Variants in OPN3 observed in about 807,000 individuals in gnomAD.
OPN3 encodes opsin-3.
OPN3 carries 29 observed loss-of-function variants against 33.8 expected under a neutral mutation model. That is an observed-to-expected ratio of 0.86 (90% confidence interval 0.64 to 1.17). OPN3 has a LOEUF of 1.17. OPN3 is among the 50% of genes most tolerant of loss of function. The pLI is 0.00. For synonymous variants in OPN3, 216 were observed against 216.1 expected (o/e 1.00, Z 0.00); for missense variants, 437 against 514.1 (o/e 0.85, Z 1.45).
chr1:241,628,004 GAA>G (rs908747755), intron 1 of OPN3, among the ~76,000 whole-genome samples: 1 of 152,092 alleles, frequency 6.6e-6, no homozygotes, highest in Non-Finnish European at 1.5e-5. Context: ...CCAGGCAAAA[GAA>G]AAAGTTTCTG....
rs1201391139 is a variant in OPN3 at position 241,640,367 on chromosome 1, A to C, written c.-113T>G. The C allele has an allele frequency of 1.2e-5, 12 of 1,015,908 alleles. No homozygotes were observed. Among genetic ancestry groups the C allele is most frequent in the Non-Finnish European group, 1.4e-5 (12 of 843,716 alleles). 62.9% of individuals were successfully genotyped at this position (1,015,908 alleles called of 1,614,324 possible). ...CCGCCGCCTGCTCTAGCCATTGTGCACTGAGGGGCCCGCGCTACCGCGCGC... is the reference window on the plus strand; with the variant it reads ...CCGCCGCCTGCTCTAGCCATTGTGCCCTGAGGGGCCCGCGCTACCGCGCGC... On this transcript the variant is annotated 5_prime_UTR_variant, in exon 1 of 4. Coordinates refer to ENST00000366554, the MANE Select transcript of OPN3 (RefSeq NM_014322.3).
chr1:241,633,926 T>C lies in OPN3; in HGVS notation c.373+5956A>G, dbSNP rs1664754503. The stretch of plus-strand genomic sequence containing the variant: ...ATCATCACCATCAAAGATAATGTCT[T>C]CTGGATTTGGAGGTGGAGGGCAGAA... On this transcript the variant is annotated intron_variant, in intron 1 of 3. Coordinates refer to ENST00000366554, the MANE Select transcript of OPN3 (RefSeq NM_014322.3). The C allele has an allele frequency of 6.2e-7, 1 of 1,613,804 alleles. No individual in the cohort carries two copies.
chr1:241,602,657 TAG>T (rs958974438), intron 2 of OPN3, among the ~76,000 whole-genome samples: 3 of 149,646 alleles, frequency 2.0e-5, no homozygotes, highest in Admixed American at 6.7e-5. Context: ...GAGATAGAGA[TAG>T]AGAGAGAGAG....
At chr1:241,633,817 T>C in intron 1 of OPN3, 1 of 1,613,796 alleles carries the variant, frequency 6.2e-7, no homozygotes, top group Non-Finnish European at 8.5e-7. Context: ...GGTGCTTCTC[T>C]GGGCTTTCTA....
intron 1 of OPN3, among the ~76,000 whole-genome samples, chr1:241,625,584 T>C (rs1295567282): frequency 4.6e-5 from 7 of 152,198 alleles, no homozygotes; most frequent in African/African-American, 1.4e-4. Context: ...TCTCTCATAT[T>C]CAAAACTTTT....
chr1:241,623,130 G>A (rs12084784), intron 1 of OPN3, among the ~76,000 whole-genome samples: 1,613 of 152,042 alleles, frequency 0.011, 32 homozygotes, highest in African/African-American at 0.037. Flanking sequence ...ACTCTTTCTG[G>A]CTCAGGACTA....
intron 3 of OPN3, among the ~76,000 whole-genome samples, chr1:241,596,733 C>T (rs1363813565): frequency 6.6e-6 from 1 of 152,162 alleles, no homozygotes. Flanking sequence ...AACGTAGAGG[C>T]TCAGCTTTAT....
chr1:241,609,337 A>T (rs1024382648), intron 1 of OPN3, among the ~76,000 whole-genome samples: 1 of 152,168 alleles, frequency 6.6e-6, no homozygotes, highest in African/African-American at 2.4e-5. Context: ...CTCCACCAAC[A>T]GGTGGTGGAG....
intron 1 of OPN3, among the ~76,000 whole-genome samples, chr1:241,615,187 C>T (rs559150371): frequency 7.3e-6 from 1 of 137,628 alleles, no homozygotes; most frequent in South Asian, 2.4e-4. Context: ...CAAACATAAG[C>T]ACAGTGGGGC....
chr1:241,635,907 CT>C, intron 1 of OPN3: 1 of 759,596 alleles, frequency 1.3e-6, no homozygotes, highest in Non-Finnish European at 2.1e-6. Context: ...AACGGTTACC[CT>C]TTTAAAATAT....
At chr1:241,637,072 T>C (rs894574862) in intron 1 of OPN3, among the ~76,000 whole-genome samples, 19 of 152,320 alleles carry the variant, frequency 1.2e-4, no homozygotes, top group Middle Eastern at 3.4e-3. Context: ...AAGGCCAAGG[T>C]GCTGAAGAGC....
At chr1:241,634,552 T>C in intron 1 of OPN3, 1 of 1,613,906 alleles carries the variant, frequency 6.2e-7, no homozygotes, top group Non-Finnish European at 8.5e-7. Flanking sequence ...AGCATTGTAC[T>C]TTATGACGAA....
intron 1 of OPN3, among the ~76,000 whole-genome samples, chr1:241,625,887 GTTGAACAACACCC>G (rs1664407961): frequency 6.6e-6 from 1 of 152,154 alleles, no homozygotes; most frequent in South Asian, 2.1e-4. Context: ...ATTGCAGAAT[GTTGAACAACACCC>G]CAGCCCTCTA....
At chr1:241,634,613 A>T (rs1408075114) in intron 1 of OPN3, 8 of 1,613,942 alleles carry the variant, frequency 5.0e-6, no homozygotes, top group Non-Finnish European at 5.9e-6. Flanking sequence ...ACCCTGGGGA[A>T]TTTCTCCTTG....
At chr1:241,597,132 G>C (rs1015869527) in intron 3 of OPN3, among the ~76,000 whole-genome samples, 2 of 152,052 alleles carry the variant, frequency 1.3e-5, no homozygotes, top group Admixed American at 6.6e-5. Flanking sequence ...ACCAGGCCCA[G>C]GAAGTTTCTT....
chr1:241,619,472 T>C (rs888510091), intron 1 of OPN3, among the ~76,000 whole-genome samples: 1 of 152,244 alleles, frequency 6.6e-6, no homozygotes, highest in African/African-American at 2.4e-5. Flanking sequence ...ACCTATCTCC[T>C]TGTCTTTTGC....
intron 2 of OPN3, chr1:241,600,769 C>T (rs1470809743): frequency 1.3e-5 from 2 of 152,088 alleles, no homozygotes; most frequent in Non-Finnish European, 2.9e-5. Flanking sequence ...TCTATGCCCT[C>T]TGCTTGTAAC....
chr1:241,621,101 T>G (rs1034380980), intron 1 of OPN3, among the ~76,000 whole-genome samples: 1 of 152,176 alleles, frequency 6.6e-6, no homozygotes, highest in African/African-American at 2.4e-5. Flanking sequence ...AAGTGTGAAT[T>G]TTATCTGCAA....
intron 1 of OPN3, chr1:241,614,183 A>G (rs1425577937): frequency 6.6e-6 from 1 of 152,104 alleles, no homozygotes; most frequent in Non-Finnish European, 1.5e-5. Context: ...TAAAAAAAAA[A>G]ATTATGATTT....
Sources: gnomAD v4.1 joint callset for allele counts (sites outside exome capture counted in the v4.1 genomes callset) on GRCh38, gnomAD v4.1.1 for gene constraint, MANE v1.5 for transcripts, NCBI Gene and HGNC (gene_info 2026-07-23, HGNC 2026-07-21) for gene names.